The following SLC39A11 variants were observed in gnomAD, a reference collection of about 807,000 sequenced individuals.
SLC39A11 encodes the protein solute carrier family 39 member 11.
In SLC39A11, 33 loss-of-function variants were observed where a neutral mutation model predicts 36.1. That is an observed-to-expected ratio of 0.91 (90% CI 0.69 to 1.22). The LOEUF is 1.22. Among genes scored for constraint, SLC39A11 ranks in the 50% most tolerant of loss-of-function variants. The probability of loss-of-function intolerance (pLI) is 0.00; values close to 1 mark genes in which losing one functional copy is unlikely to be tolerated. For missense variants in SLC39A11, 432 were observed against 430.3 expected, an observed-to-expected ratio of 1.00 and a Z score of -0.03; for synonymous variants, 166 against 170.3, an observed-to-expected ratio of 0.97 and a Z score of 0.20.
At chr17:72,672,889 G>A (rs1460667282) in intron 7 of SLC39A11, among the ~76,000 whole-genome samples, 1 of 152,158 alleles carries the variant, frequency 6.6e-6, no homozygotes, top group East Asian at 1.9e-4. Context: ...GATTACAGGT[G>A]TGAGCCACCA....
intron 3 of SLC39A11, among the ~76,000 whole-genome samples, chr17:73,062,668 T>C (rs1356006958): frequency 6.6e-6 from 1 of 152,122 alleles, no homozygotes; most frequent in Non-Finnish European, 1.5e-5. Context: ...ACAAAATTTA[T>C]TTCCTTTATG....
intron 6 of SLC39A11, among the ~76,000 whole-genome samples, chr17:72,796,359 T>G (rs1194077596): frequency 1.3e-5 from 2 of 152,128 alleles, no homozygotes; most frequent in Non-Finnish European, 2.9e-5. Flanking sequence ...AGGTTTTTCC[T>G]GGCTTCTGCT....
At chr17:72,847,153 A>C (rs1457615325) in intron 6 of SLC39A11, among the ~76,000 whole-genome samples, 2 of 152,212 alleles carry the variant, frequency 1.3e-5, no homozygotes, top group Non-Finnish European at 2.9e-5. Flanking sequence ...CCGTAATCCC[A>C]GCACTTTGAG....
intron 5 of SLC39A11, among the ~76,000 whole-genome samples, chr17:72,909,743 CTTTTTTCTTTTTTT>C (rs894667973): frequency 6.0e-5 from 6 of 99,656 alleles, no homozygotes; most frequent in Non-Finnish European, 1.4e-4. Context: ...TCTTTTTTTT[CTTTTTTCTTTTTTT>C]TTTTTTGAGA....
intron 7 of SLC39A11, among the ~76,000 whole-genome samples, chr17:72,718,424 G>GA (rs575840975): frequency 6.6e-6 from 1 of 152,166 alleles, no homozygotes; most frequent in Non-Finnish European, 1.5e-5. Flanking sequence ...GGGCAACAGA[G>GA]CAAGACTCCA....
intron 4 of SLC39A11, among the ~76,000 whole-genome samples, chr17:72,949,786 A>C (rs2085729328): frequency 6.6e-6 from 1 of 152,014 alleles, no homozygotes; most frequent in Non-Finnish European, 1.5e-5. Flanking sequence ...GGTCCAAACA[A>C]ACACAAGTTT....
chr17:73,007,388 T>A (rs1370606999), intron 4 of SLC39A11, among the ~76,000 whole-genome samples: 1 of 152,120 alleles, frequency 6.6e-6, no homozygotes, highest in Non-Finnish European at 1.5e-5. Flanking sequence ...GCCACTGCAC[T>A]CCAGCCTGGT....
intron 3 of SLC39A11, chr17:73,067,976 T>C: frequency 6.3e-7 from 1 of 1,592,776 alleles, no homozygotes; most frequent in Non-Finnish European, 8.6e-7. Context: ...AAAGGACTGA[T>C]TCACATAAAT....
In SLC39A11 at chr17:73,005,273, C is replaced by T. The variant is rs571266718; in HGVS notation, c.306+26283G>A. 4.9e-4 allele frequency among the ~76,000 whole-genome samples: 74 copies of T among 152,264 alleles called. 1 individual carries two copies. The South Asian group carries it at 7.1e-3, about 15-fold the overall frequency. Reference sequence around the variant, plus strand: ...GATTACAGGCGTGAGCCACCGTGCCCGGCCCACACACACAACGTTTTGTTA... The same window carrying T: ...GATTACAGGCGTGAGCCACCGTGCCTGGCCCACACACACAACGTTTTGTTA... On this transcript the variant is annotated intron_variant, in intron 4 of 9. Coordinates refer to ENST00000255559, the MANE Select transcript of SLC39A11 (RefSeq NM_139177.4).
rs189473337 is a variant in SLC39A11 at position 72,951,849 on chromosome 17, A to G, written c.307-3974T>C. Among the ~76,000 whole-genome samples the G allele has an allele frequency of 2.0e-5, 3 of 152,226 alleles. No individual in the cohort carries two copies. In the East Asian group the frequency reaches 5.8e-4, roughly 29 times the overall value. On this transcript the variant is annotated intron_variant, in intron 4 of 9. Coordinates refer to ENST00000255559, the MANE Select transcript of SLC39A11 (RefSeq NM_139177.4). The stretch of plus-strand genomic sequence containing the variant: ...GGAAGATGGTATTTGTTCTTCCCTT[A>G]CTTTCAGGTTTTTGCTCAAACACTG...
intron 5 of SLC39A11, among the ~76,000 whole-genome samples, chr17:72,945,043 A>AGATGGATGGATGGATG (rs139488879): frequency 0.11 from 16,162 of 150,998 alleles, 1,081 homozygotes; most frequent in African/African-American, 0.17. Context: ...AGCTAATTGG[A>AGATGGATGGATGGATG]GATGGATGGA....
chr17:72,775,748 A>G (rs1162113537), intron 6 of SLC39A11, among the ~76,000 whole-genome samples: 1 of 152,158 alleles, frequency 6.6e-6, no homozygotes, highest in Non-Finnish European at 1.5e-5. Flanking sequence ...CTCTACCTGG[A>G]AGGACCAAGC....
intron 5 of SLC39A11, among the ~76,000 whole-genome samples, chr17:72,890,287 A>C (rs8077041): frequency 0.11 from 16,070 of 142,522 alleles, 1,672 homozygotes; most frequent in African/African-American, 0.3. Flanking sequence ...ACAACAACAA[A>C]AAAAAAAAAA....
At chr17:72,701,741 A>AAG (rs1349229466) in intron 7 of SLC39A11, among the ~76,000 whole-genome samples, 17 of 150,682 alleles carry the variant, frequency 1.1e-4, no homozygotes, top group South Asian at 4.2e-4. Context: ...AAAAAAAAAA[A>AAG]AAAAAGAAAA....
chr17:72,884,258 G>C (rs1320826025), intron 5 of SLC39A11, among the ~76,000 whole-genome samples: 2 of 152,266 alleles, frequency 1.3e-5, no homozygotes, highest in Non-Finnish European at 2.9e-5. Context: ...CGTTGTCACT[G>C]TGGATGGCCT....
intron 7 of SLC39A11, among the ~76,000 whole-genome samples, chr17:72,671,370 T>C (rs1375965707): frequency 1.3e-5 from 2 of 152,212 alleles, no homozygotes; most frequent in African/African-American, 4.8e-5. Flanking sequence ...TTTTGCTTAT[T>C]CCCCAATAAA....
intron 4 of SLC39A11, among the ~76,000 whole-genome samples, chr17:72,986,800 C>T (rs2088798824): frequency 6.6e-6 from 1 of 152,176 alleles, no homozygotes. Flanking sequence ...CTGAGGCAGG[C>T]AGATTACTTG....
At chr17:73,060,210 C>CAAAAAAAAA (rs33931672) in intron 3 of SLC39A11, among the ~76,000 whole-genome samples, 2 of 70,346 alleles carry the variant, frequency 2.8e-5, no homozygotes, top group Admixed American at 1.8e-4. Context: ...AACTCCATCT[C>CAAAAAAAAA]AAAAAAAAAA....
intron 6 of SLC39A11, among the ~76,000 whole-genome samples, chr17:72,759,328 G>A (rs539957724): frequency 8.5e-5 from 13 of 152,120 alleles, no homozygotes; most frequent in African/African-American, 1.9e-4. Context: ...GCAAAGGAAC[G>A]GAAGTGGTGA....
Sources: allele counts gnomAD v4.1 joint callset (sites outside exome capture counted in the v4.1 genomes callset), GRCh38; gene constraint gnomAD v4.1.1; transcripts MANE v1.5; gene names NCBI Gene and HGNC (gene_info 2026-07-23, HGNC 2026-07-21).